SLC38A10: variants seen among roughly 807,000 people sequenced by gnomAD.
The protein encoded by SLC38A10 is Sodium-coupled neutral amino acid transporter 10.
Under a neutral mutation model 81.0 loss-of-function variants are expected in SLC38A10, and 53 were observed. The observed-to-expected ratio is 0.65, with a 90% confidence interval of 0.53 to 0.82. The LOEUF is 0.82. Among genes scored for constraint, SLC38A10 ranks in the 40% least tolerant of loss-of-function variants. The pLI, the probability that SLC38A10 is intolerant of heterozygous loss-of-function variation, is 0.00. For missense variants in SLC38A10, 1,471 were observed against 1,545.0 expected (o/e 0.95, Z 0.80); for synonymous variants, 665 against 655.3 (o/e 1.01, Z -0.23).
Position 81,252,182 on chromosome 17 carries a change from G to A in SLC38A10, c.1945+13C>T. On this transcript the variant is annotated intron_variant, in intron 13 of 15. Coordinates refer to ENST00000374759, the MANE Select transcript of SLC38A10 (RefSeq NM_001037984.3). ...GGGAGTGTCTTCCGACACGAGCCCA[G>A]GCTGACACCCACCGTGGTCGCTGTC... 1 of 1,500,828 alleles carries A rather than the reference G, an allele frequency of 6.7e-7. No homozygotes were observed. Among genetic ancestry groups the A allele is most frequent in the Non-Finnish European group, 8.8e-7 (1 of 1,130,352 alleles). 93.0% of individuals were successfully genotyped at this position (1,500,828 alleles called of 1,614,324 possible).
intron 9 of SLC38A10, 119 bp from the exon 10 acceptor site, chr17:81,271,143 C>T (rs985795124): frequency 3.6e-6 from 3 of 823,428 alleles, no homozygotes; most frequent in South Asian, 1.6e-5. Flanking sequence ...GCCGTCTAGG[C>T]GTGAGCCGGG....
intron 6 of SLC38A10, among the ~76,000 whole-genome samples, chr17:81,280,337 C>A (rs933482018): frequency 5.3e-5 from 8 of 152,236 alleles, no homozygotes; most frequent in Non-Finnish European, 1.0e-4. Flanking sequence ...GCATCCCCCA[C>A]AGCCAATGCT....
chr17:81,294,180 G>A, intron 1 of SLC38A10, among the ~76,000 whole-genome samples: 1 of 152,112 alleles, frequency 6.6e-6, no homozygotes, highest in Non-Finnish European at 1.5e-5. Context: ...ACAGGCATGT[G>A]CCACCACCCC....
At chr17:81,269,271 T>A (rs1175679377) in intron 10 of SLC38A10, among the ~76,000 whole-genome samples, 1 of 152,150 alleles carries the variant, frequency 6.6e-6, no homozygotes, top group Non-Finnish European at 1.5e-5. Flanking sequence ...CCCAGCACTT[T>A]GGGAGGCTGA....
rs749822314 is a variant in SLC38A10 at position 81,245,921 on chromosome 17, C to G, written c.2995G>C (p.Glu999Gln). ...GCGTCCTCCCCGCCTCTCGGCTGCT[C>G]GTGGGACACAGGCACATGGTCCCCC... ...RGGDHVPVSH[E>Q]QPRGGEDAAV... Residue 999 changes from glutamate (E) to glutamine (Q), a missense_variant, in exon 16 of 16, where the codon GAG becomes CAG. This residue lies in a region of SLC38A10 where 751 missense variants were observed against 717.4 expected (regional missense o/e 1.05). Coordinates refer to ENST00000374759, the MANE Select transcript of SLC38A10 (RefSeq NM_001037984.3). 3 of 1,611,248 alleles carry G rather than the reference C, an allele frequency of 1.9e-6. No individual in the cohort carries two copies. The highest frequency in any genetic ancestry group is 2.5e-6 in the Non-Finnish European group (3 of 1,179,042).
In SLC38A10 at chr17:81,246,538, G is replaced by A. The variant is rs1333099989; in HGVS notation, c.2378C>T (p.Ala793Val). Residue 793 changes from alanine to valine, a missense_variant, in exon 16 of 16, where the codon GCT (alanine) becomes GTT (valine). Physicochemically the swap from Ala to Val is moderately conservative, Grantham distance 64 (BLOSUM62 0). Coordinates refer to ENST00000374759, the MANE Select transcript of SLC38A10 (RefSeq NM_001037984.3). ...GCGCTGGTTAAGGTCCTGGGATGGA[G>A]CAGGGCGGCCCCCAGGAGCTCTGAG... is the stretch of plus-strand genomic sequence containing the variant. ...PVLRAPGGRPAPSQDLNQRSL... is the reference protein window; with the variant it reads ...PVLRAPGGRPVPSQDLNQRSL... 6.6e-7 allele frequency: 1 copy of A among 1,520,834 alleles called. No individual in the cohort carries two copies. The highest frequency in any genetic ancestry group is 1.4e-5 in the African/African-American group (1 of 71,910). 94.2% of individuals were successfully genotyped at this position (1,520,834 alleles called of 1,614,324 possible).
chr17:81,280,523 G>C (rs2063200886), intron 6 of SLC38A10, 86 bp downstream of exon 6: 1 of 1,564,710 alleles, frequency 6.4e-7, no homozygotes, highest in African/African-American at 1.4e-5. Flanking sequence ...AGCGATCACA[G>C]TAAACGAGAA....
In SLC38A10 at chr17:81,246,045, G is replaced by T; in HGVS notation, c.2871C>A (p.Arg957=). The change falls in exon 16 of 16, where the codon CGC becomes CGA. Residue 957 remains arginine, a synonymous_variant. Coordinates refer to ENST00000374759, the MANE Select transcript of SLC38A10 (RefSeq NM_001037984.3). ...GAAAQPQAVL[R]QPELRVISDG... The stretch of plus-strand genomic sequence containing the variant: ...CAGAGATGACCCGCAGTTCCGGCTG[G>T]CGTAACACAGCCTGGGGCTGTGCAG... 6.2e-7 allele frequency: 1 copy of T among 1,609,978 alleles called. No individual in the cohort carries two copies.
intron 5 of SLC38A10, 150 bp from the exon 6 acceptor site, chr17:81,280,883 G>A (rs978502078): frequency 5.5e-6 from 5 of 912,420 alleles, no homozygotes; most frequent in Admixed American, 3.7e-5. Context: ...GCCGCCCTGT[G>A]CCGCCTTGTG....
Position 81,260,224 on chromosome 17 carries a change from C to T in SLC38A10, c.1288+14G>A. 1 of 1,593,198 alleles carries T rather than the reference C, an allele frequency of 6.3e-7. No homozygotes were observed. The highest frequency in any genetic ancestry group is 8.5e-7 in the Non-Finnish European group (1 of 1,170,760). ...CTTGCCCTGAGAAGGCTCAGAGAGC[C>T]AGGGTGGGCATACCTGAGAGCCGCG... is the stretch of plus-strand genomic sequence containing the variant. On this transcript the variant is annotated intron_variant, in intron 11 of 15. Coordinates refer to ENST00000374759, the MANE Select transcript of SLC38A10 (RefSeq NM_001037984.3).
intron 11 of SLC38A10, among the ~76,000 whole-genome samples, chr17:81,255,094 G>A (rs1013998123): frequency 2.0e-5 from 3 of 152,274 alleles, no homozygotes; most frequent in Admixed American, 6.5e-5. Context: ...AAGTGAGCAC[G>A]GTGAGCCGGG....
chr17:81,286,261 C>T lies in SLC38A10; in HGVS notation c.218-1366G>A, dbSNP rs887156750. ...GGAAGCTGAGTCTCTACAGCATATTCCAAACACGAGCGCACCTTGCCCAAG... is the reference window on the plus strand; with the variant it reads ...GGAAGCTGAGTCTCTACAGCATATTTCAAACACGAGCGCACCTTGCCCAAG... On this transcript the variant is annotated intron_variant, in intron 2 of 15. Coordinates refer to ENST00000374759, the MANE Select transcript of SLC38A10 (RefSeq NM_001037984.3). This position sits in a 1 kb window ranked among gnomAD's most constrained non-coding sequence, Gnocchi z 6.0. Among the ~76,000 whole-genome samples the T allele has an allele frequency of 5.9e-5, 9 of 152,222 alleles. No homozygotes were observed. Among genetic ancestry groups the T allele is most frequent in the Non-Finnish European group, 8.8e-5 (6 of 68,040 alleles).
At position 81,252,054 on chromosome 17, in the gene SLC38A10, GC is replaced by G. The variant is rs2062920386; in HGVS notation, c.1945+140del. 6 of 1,240,966 alleles carry G rather than the reference GC, an allele frequency of 4.8e-6. No individual in the cohort carries two copies. In the South Asian group the frequency reaches 6.5e-5, roughly 13 times the overall value. The allele number at this position is 1,240,966 out of a possible 1,614,324, so 76.9% of individuals were successfully genotyped here. A position where few individuals can be genotyped will look rare whatever the true frequency, so the allele number is the denominator to read the frequency against. ...CTTCCTGTCCCCACCAGCTGCCGGG[GC>G]CCGCTCCATTTGCATGCTAATCTGG... On this transcript the variant is annotated intron_variant, in intron 13 of 15. Coordinates refer to ENST00000374759, the MANE Select transcript of SLC38A10 (RefSeq NM_001037984.3).
At chr17:81,248,518 G>A (rs1020652888) in intron 14 of SLC38A10, among the ~76,000 whole-genome samples, 25 of 152,266 alleles carry the variant, frequency 1.6e-4, no homozygotes, top group African/African-American at 4.3e-4. Context: ...GTTATTTGCC[G>A]CAAGCGGCTG....
At chr17:81,254,493 G>A (rs973845756) in intron 11 of SLC38A10, among the ~76,000 whole-genome samples, 1 of 152,198 alleles carries the variant, frequency 6.6e-6, no homozygotes, top group Admixed American at 6.5e-5. Flanking sequence ...TGTCGCCCAG[G>A]CTGGAGTGCA....
chr17:81,259,605 T>C (rs2063002905), intron 11 of SLC38A10, among the ~76,000 whole-genome samples: 1 of 152,148 alleles, frequency 6.6e-6, no homozygotes, highest in Admixed American at 6.5e-5. Flanking sequence ...GAGCTGCGGC[T>C]GCACCTGGAA....
chr17:81,294,959 G>C lies in SLC38A10; in HGVS notation c.-38C>G. On this transcript the variant is annotated 5_prime_UTR_variant, in exon 1 of 16. Coordinates refer to ENST00000374759, the MANE Select transcript of SLC38A10 (RefSeq NM_001037984.3). ...AGGGGCCCGGGGCGAGAGGCCTCGG[G>C]GGTCGCCGGGCTGCGGCCGGCTTTG... 1 of 1,540,910 alleles carries C rather than the reference G, an allele frequency of 6.5e-7. No individual in the cohort carries two copies. Among genetic ancestry groups the C allele is most frequent in the Non-Finnish European group, 8.7e-7 (1 of 1,146,996 alleles).
rs961394043 is a variant in SLC38A10, at chr17:81,245,153, C to T, written c.*403G>A. The T allele has an allele frequency of 2.6e-4, 53 of 200,224 alleles. No individual in the cohort carries two copies. The highest frequency in any genetic ancestry group is 1.2e-3 in the African/African-American group (51 of 43,138). 12.4% of individuals were successfully genotyped at this position (200,224 alleles called of 1,614,324 possible). A position where few individuals can be genotyped will look rare whatever the true frequency, so the allele number is the denominator to read the frequency against. On this transcript the variant is annotated 3_prime_UTR_variant, in exon 16 of 16. Transcript: ENST00000374759. ...TGTGTTGGGACCATGAGCAGCCATG[C>T]GCACCTCCACGCACGGCCGAGCTCA... is the stretch of plus-strand genomic sequence containing the variant.
In SLC38A10 at chr17:81,291,456, C is replaced by CA. The variant is rs545815953; in HGVS notation, c.100-1649dup. ...GAGCTGAGATTGAACCATTGCACCCCAGCCTGGGTGACAGAGTAAGACTCC... is the reference window on the plus strand; with the variant it reads ...GAGCTGAGATTGAACCATTGCACCCCAAGCCTGGGTGACAGAGTAAGACTCC... On this transcript the variant is annotated intron_variant, in intron 1 of 15. Coordinates refer to ENST00000374759, the MANE Select transcript of SLC38A10 (RefSeq NM_001037984.3). Among the ~76,000 whole-genome samples, 895 of 149,490 alleles carry CA rather than the reference C, an allele frequency of 6.0e-3. 14 individuals are homozygous for CA. The highest frequency in any genetic ancestry group is 0.021 in the African/African-American group (840 of 40,486).
Sources: gnomAD v4.1 joint callset for allele counts (sites outside exome capture counted in the v4.1 genomes callset) on GRCh38, gnomAD v4.1.1 for gene constraint, gnomAD v4.1.1 regional missense constraint, Gnocchi (gnomAD v3.1) non-coding constraint, MANE v1.5 for transcripts, NCBI Gene and HGNC (gene_info 2026-07-23, HGNC 2026-07-21) for gene names.